The following VEGFD variants were observed in gnomAD, a reference collection of about 807,000 sequenced individuals.
VEGFD encodes c-fos induced growth factor (vascular endothelial growth factor D).
A neutral mutation model predicts 28.0 loss-of-function variants in VEGFD; 26 were observed. That is an observed-to-expected ratio of 0.93 (90% CI 0.68 to 1.29). The LOEUF is 1.29. Among genes scored for constraint, VEGFD ranks in the 50% most tolerant of loss-of-function variants. The pLI, the probability that VEGFD is intolerant of heterozygous loss-of-function variation, is 0.00. For missense variants in VEGFD, 294 were observed against 273.4 expected, an observed-to-expected ratio of 1.08 and a Z score of -0.53; for synonymous variants, 93 against 95.5, an observed-to-expected ratio of 0.97 and a Z score of 0.15.
At chrX:15,350,735 A>T (rs78567643) in intron 5 of VEGFD, among the ~76,000 whole-genome samples, 25 of 76,193 alleles carry the variant, frequency 3.3e-4, no homozygotes, top group South Asian at 7.7e-4. Flanking sequence ...CTTTCTTTCT[A>T]TCCTTCCTTC....
chrX:15,352,469 C>A (rs961407608), intron 5 of VEGFD, among the ~76,000 whole-genome samples: 1 of 111,193 alleles, frequency 9.0e-6, no homozygotes, highest in Non-Finnish European at 1.9e-5. Context: ...CTCCCAGCTC[C>A]CCTTAGACCA....
intron 5 of VEGFD, among the ~76,000 whole-genome samples, chrX:15,350,809 C>G (rs1922681957): frequency 1.3e-5 from 1 of 75,345 alleles, no homozygotes; most frequent in African/African-American, 5.2e-5. Flanking sequence ...TTCTTTCTTT[C>G]TTTCTCTCTC....
chrX:15,368,027 A>AAAGAAAGAAAGAAAGAAAGG (rs1346653041), intron 1 of VEGFD, among the ~76,000 whole-genome samples: 4 of 83,068 alleles, frequency 4.8e-5, no homozygotes, highest in East Asian at 6.7e-4. Flanking sequence ...AGAAAGAAAG[A>AAAGAAAGAAAGAAAGAAAGG]AAGGAAAGAA....
At chrX:15,351,478 G>C (rs967154654) in intron 5 of VEGFD, among the ~76,000 whole-genome samples, 9 of 111,276 alleles carry the variant, frequency 8.1e-5, no homozygotes, top group African/African-American at 2.9e-4. Flanking sequence ...GCCTCCCAAA[G>C]TGCTAGGATT....
At chrX:15,349,156 TG>T (rs1922624724) in intron 5 of VEGFD, among the ~76,000 whole-genome samples, 1 of 112,575 alleles carries the variant, frequency 8.9e-6, no homozygotes, top group Non-Finnish European at 1.9e-5. Context: ...GATGCCGCTT[TG>T]GGGTAAGACA....
chrX:15,366,255 C>A (rs781213160), intron 1 of VEGFD, among the ~76,000 whole-genome samples: 2 of 111,880 alleles, frequency 1.8e-5, no homozygotes, highest in Non-Finnish European at 3.8e-5. Flanking sequence ...TGTGATCCAC[C>A]CACCTCGGCC....
chrX:15,358,754 G>A (rs1922931294), intron 2 of VEGFD, among the ~76,000 whole-genome samples: 1 of 111,678 alleles, frequency 9.0e-6, no homozygotes, highest in African/African-American at 3.3e-5. Flanking sequence ...GCCCGATACT[G>A]ATATTTATGT....
intron 1 of VEGFD, among the ~76,000 whole-genome samples, chrX:15,377,003 A>C (rs1923454424): frequency 8.9e-6 from 1 of 112,070 alleles, no homozygotes; most frequent in African/African-American, 3.2e-5. Context: ...TATCTCCAAT[A>C]TGTGAGTGTT....
chrX:15,382,136 C>T (rs12843793), intron 1 of VEGFD, among the ~76,000 whole-genome samples: 6,971 of 110,431 alleles, frequency 0.063, 236 homozygotes, highest in South Asian at 0.17. Context: ...CTGGCTAACA[C>T]AGTGAAACCC....
At chrX:15,350,309 C>A (rs1922656964) in intron 5 of VEGFD, among the ~76,000 whole-genome samples, 1 of 111,849 alleles carries the variant, frequency 8.9e-6, no homozygotes. Flanking sequence ...ATACCCGCTG[C>A]TTAGAACAGC....
chrX:15,358,288 C>T (rs1207959818), intron 2 of VEGFD, 95 bp from the exon 3 acceptor site: 6 of 723,460 alleles, frequency 8.3e-6, no homozygotes, highest in Non-Finnish European at 1.2e-5. Flanking sequence ...GTCATTTTCA[C>T]ATTTCTACTG....
chrX:15,353,913 C>T (rs1365070882), intron 4 of VEGFD, among the ~76,000 whole-genome samples: 15 of 111,216 alleles, frequency 1.3e-4, no homozygotes, highest in Non-Finnish European at 1.9e-5. Flanking sequence ...CAAATTATAG[C>T]TGTCAACAGT....
At chrX:15,356,387 T>TA (rs1000386455) in intron 3 of VEGFD, among the ~76,000 whole-genome samples, 4 of 112,246 alleles carry the variant, frequency 3.6e-5, no homozygotes, top group Non-Finnish European at 7.5e-5. Flanking sequence ...AGATAGTTTT[T>TA]AAAAAACTAC....
chrX:15,365,866 C>G (rs753911641), intron 1 of VEGFD, among the ~76,000 whole-genome samples: 67 of 111,928 alleles, frequency 6.0e-4, no homozygotes, highest in African/African-American at 2.0e-3. Flanking sequence ...CACCAACTCT[C>G]CAATTGTTGT....
At chrX:15,376,178 A>G (rs191221316) in intron 1 of VEGFD, among the ~76,000 whole-genome samples, 1 of 111,954 alleles carries the variant, frequency 8.9e-6, no homozygotes, top group East Asian at 2.8e-4. Flanking sequence ...AGGGAGGGAT[A>G]TATTTCCCAG....
intron 1 of VEGFD, among the ~76,000 whole-genome samples, chrX:15,376,160 ACT>A (rs1057014615): frequency 2.7e-5 from 3 of 111,143 alleles, no homozygotes; most frequent in African/African-American, 9.8e-5. Context: ...TCCACTCCTG[ACT>A]CTCTGAGGGA....
At chrX:15,364,336 G>C (rs1923093148) in intron 1 of VEGFD, among the ~76,000 whole-genome samples, 1 of 111,812 alleles carries the variant, frequency 8.9e-6, no homozygotes, top group Non-Finnish European at 1.9e-5. Context: ...CCATACAGTT[G>C]CATGAACTGT....
At chrX:15,356,265 T>C (rs144346318) in intron 3 of VEGFD, among the ~76,000 whole-genome samples, 441 of 112,100 alleles carry the variant, frequency 3.9e-3, no homozygotes, top group African/African-American at 0.012. Flanking sequence ...TTGATTTTAA[T>C]GCATTGTCTA....
chrX:15,382,356 T>C (rs1045186224), intron 1 of VEGFD, among the ~76,000 whole-genome samples: 7 of 43,707 alleles, frequency 1.6e-4, no homozygotes, highest in Non-Finnish European at 2.8e-4. Flanking sequence ...AACTTCACAG[T>C]GCCCAGGACA....
Sources: gnomAD v4.1 joint callset for allele counts (sites outside exome capture counted in the v4.1 genomes callset) on GRCh38, gnomAD v4.1.1 for gene constraint, MANE v1.5 for transcripts, NCBI Gene and HGNC (gene_info 2026-07-23, HGNC 2026-07-21) for gene names.